FAM98B: variants seen among roughly 807,000 people sequenced by gnomAD.
The protein encoded by FAM98B is tRNA splicing ligase complex subunit 3B.
Under a neutral mutation model 43.9 loss-of-function variants are expected in FAM98B, and 32 were observed. The ratio of observed to expected loss-of-function variants is 0.73; its 90% confidence interval spans 0.55 to 0.98. The LOEUF is 0.98. Ranked by LOEUF, FAM98B falls within the 50% of genes least tolerant of loss-of-function variation. The pLI is 0.00. For missense variants in FAM98B, 514 were observed against 522.9 expected (o/e 0.98, Z 0.17); for synonymous variants, 190 against 174.0 (o/e 1.09, Z -0.72).
intron 3 of FAM98B, among the ~76,000 whole-genome samples, chr15:38,465,698 T>C (rs1269837557): frequency 1.3e-5 from 2 of 152,162 alleles, no homozygotes; most frequent in African/African-American, 4.8e-5. Flanking sequence ...CGTGACTATA[T>C]GGCTAACATT....
chr15:38,470,264 A>G lies in FAM98B; in HGVS notation c.390A>G (p.Leu130=), dbSNP rs757233511. The G allele has an allele frequency of 3.5e-5, 55 of 1,559,048 alleles. No individual in the cohort carries two copies. Among genetic ancestry groups the G allele is most frequent in the Non-Finnish European group, 4.7e-5 (54 of 1,148,186 alleles). The change falls in exon 4 of 8, where the codon TTA becomes TTG. Residue 130 remains leucine (L), a synonymous_variant. Transcript: ENST00000397609. ...LSTELQASQI[L]QNKKHKNSQL... The stretch of plus-strand genomic sequence containing the variant: ...CAGAACTTCAAGCTTCACAGATATT[A>G]CAGAACAAGAAACATAAAAATTCTC...
At chr15:38,458,198 TG>T (rs1393028620) in intron 1 of FAM98B, among the ~76,000 whole-genome samples, 1 of 152,202 alleles carries the variant, frequency 6.6e-6, no homozygotes, top group East Asian at 1.9e-4. Context: ...ACTGGGGTAC[TG>T]GCCTGGAAAC....
chr15:38,465,127 G>A (rs906606950), intron 2 of FAM98B, 142 bp from the exon 3 acceptor site: 27 of 708,136 alleles, frequency 3.8e-5, no homozygotes, highest in African/African-American at 1.8e-4. Flanking sequence ...AGTTGTTAAC[G>A]TAAGCTTCGT....
At chr15:38,481,782 C>A in intron 7 of FAM98B, 1 of 625,070 alleles carries the variant, frequency 1.6e-6, no homozygotes, top group Non-Finnish European at 2.6e-6. Flanking sequence ...GTTTCAAGTA[C>A]TGACAGATTC....
chr15:38,458,713 C>G, intron 1 of FAM98B: 1 of 290,140 alleles, frequency 3.4e-6, no homozygotes, highest in Non-Finnish European at 6.7e-6. Flanking sequence ...ATAGGAAAGA[C>G]CCTTACTGGG....
chr15:38,463,744 A>G (rs557619214), intron 1 of FAM98B, among the ~76,000 whole-genome samples: 2 of 152,266 alleles, frequency 1.3e-5, no homozygotes, highest in East Asian at 1.9e-4. Context: ...ATTTTACTGT[A>G]AAATGTTAAA....
chr15:38,466,532 C>T (rs1890035023), intron 3 of FAM98B, among the ~76,000 whole-genome samples: 1 of 152,034 alleles, frequency 6.6e-6, no homozygotes, highest in East Asian at 1.9e-4. Context: ...TGTAGTGATA[C>T]AGGTTTCTGG....
intron 1 of FAM98B, chr15:38,459,406 C>T (rs1049514698): frequency 3.7e-5 from 14 of 379,622 alleles, no homozygotes; most frequent in East Asian, 1.5e-4. Flanking sequence ...ATGCTGGATG[C>T]GAAAATAGCA....
At chr15:38,483,196 A>G (rs1461158273) in intron 7 of FAM98B, 1 of 152,208 alleles carries the variant, frequency 6.6e-6, no homozygotes, top group Non-Finnish European at 1.5e-5. Context: ...TATTGTATAA[A>G]TGGATATTAA....
chr15:38,481,695 G>T (rs1890290631), intron 7 of FAM98B: 4 of 1,268,048 alleles, frequency 3.2e-6, no homozygotes, highest in African/African-American at 1.5e-5. Context: ...AATTGTTTTT[G>T]TCAAAGCTTT....
At chr15:38,457,902 G>C (rs958057576) in intron 1 of FAM98B, among the ~76,000 whole-genome samples, 10 of 151,688 alleles carry the variant, frequency 6.6e-5, no homozygotes, top group Admixed American at 4.6e-4. Flanking sequence ...TGACCTTAAG[G>C]CATTTGTGAA....
intron 7 of FAM98B, 99 bp downstream of exon 7, chr15:38,481,558 G>A (rs762915332): frequency 9.3e-6 from 15 of 1,612,818 alleles, no homozygotes; most frequent in South Asian, 5.5e-5. Flanking sequence ...CCTGGTAAAT[G>A]TTTAGAAAAA....
At chr15:38,457,679 T>G (rs770466452) in intron 1 of FAM98B, among the ~76,000 whole-genome samples, 9 of 152,052 alleles carry the variant, frequency 5.9e-5, no homozygotes, top group Middle Eastern at 3.4e-3. Flanking sequence ...TTAAAGAAAC[T>G]CAGTGTAATG....
chr15:38,481,708 C>G (rs572974069), intron 7 of FAM98B: 7 of 1,158,352 alleles, frequency 6.0e-6, no homozygotes, highest in Non-Finnish European at 8.2e-6. Context: ...AAAGCTTTAG[C>G]AAGAATTATG....
chr15:38,485,814 A>C lies in FAM98B; in HGVS notation c.*1155A>C, dbSNP rs371696185. The C allele has an allele frequency of 4.5e-4, 68 of 152,288 alleles. 1 individual carries two copies. The highest frequency in any genetic ancestry group is 1.6e-3 in the African/African-American group (65 of 41,570). 9.4% of individuals were successfully genotyped at this position (152,288 alleles called of 1,614,324 possible). On this transcript the variant is annotated 3_prime_UTR_variant, in exon 8 of 8. Transcript: ENST00000397609. ...TTTGTTAAAAACTTACAGAGGGCCT[A>C]TTTTGAATGCTTTAAGATGTAGGCC...
Position 38,484,806 on chromosome 15 carries a change from G to A in FAM98B, c.*147G>A. ...CACTCTTGAATTGGTTAATATGTAA[G>A]AACATTGTTTTTTATTACCAGTTGA... On this transcript the variant is annotated 3_prime_UTR_variant, in exon 8 of 8. Transcript: ENST00000397609. 1 of 1,249,546 alleles carries A rather than the reference G, an allele frequency of 8.0e-7. No individual in the cohort carries two copies. Among genetic ancestry groups the A allele is most frequent in the East Asian group, 3.1e-5 (1 of 32,212 alleles). The allele number at this position is 1,249,546 out of a possible 1,614,324, so 77.4% of individuals were successfully genotyped here. A position where few individuals can be genotyped will look rare whatever the true frequency, so the allele number is the denominator to read the frequency against.
intron 3 of FAM98B, among the ~76,000 whole-genome samples, chr15:38,466,956 G>A (rs1193135938): frequency 1.3e-5 from 2 of 151,876 alleles, no homozygotes; most frequent in East Asian, 1.9e-4. Context: ...TTGATGTGTC[G>A]TTTTTCTCTT....
At chr15:38,468,992 C>T (rs536818730) in intron 3 of FAM98B, among the ~76,000 whole-genome samples, 2 of 152,274 alleles carry the variant, frequency 1.3e-5, no homozygotes, top group African/African-American at 2.4e-5. Flanking sequence ...GTGCAACCTT[C>T]GCCTCTGGGT....
At chr15:38,465,838 TG>T (rs1427729824) in intron 3 of FAM98B, among the ~76,000 whole-genome samples, 1 of 152,074 alleles carries the variant, frequency 6.6e-6, no homozygotes, top group Non-Finnish European at 1.5e-5. Context: ...TTGCTTGTTT[TG>T]TTTTTTTTTA....
Sources: gnomAD v4.1 joint callset for allele counts (sites outside exome capture counted in the v4.1 genomes callset) on GRCh38, gnomAD v4.1.1 for gene constraint, MANE v1.5 for transcripts, NCBI Gene and HGNC (gene_info 2026-07-23, HGNC 2026-07-21) for gene names.